PTPDC1: variants seen among roughly 807,000 people sequenced by gnomAD.
PTPDC1 encodes protein tyrosine phosphatase domain-containing protein 1.
A neutral mutation model predicts 75.3 loss-of-function variants in PTPDC1; 53 were observed. The ratio of observed to expected loss-of-function variants is 0.70; its 90% CI spans 0.56 to 0.88. The LOEUF (loss-of-function observed/expected upper bound fraction) is 0.88. Among genes scored for constraint, PTPDC1 ranks in the 40% least tolerant of loss-of-function variants. The pLI, the probability that PTPDC1 is intolerant of heterozygous loss-of-function variation, is 0.00. For synonymous variants in PTPDC1, 349 were observed against 366.2 expected (o/e 0.95, Z 0.54); for missense variants, 925 against 998.6 (o/e 0.93, Z 0.99).
chr9:94,088,976 A>C (rs1827177658), intron 4 of PTPDC1, among the ~76,000 whole-genome samples: 1 of 152,106 alleles, frequency 6.6e-6, no homozygotes, highest in Non-Finnish European at 1.5e-5. Context: ...TGAATCATTG[A>C]CTTTATTAAT....
Position 94,039,009 on chromosome 9 carries a change from T to C in PTPDC1, c.-7+7882T>C, listed in dbSNP as rs960457008. 6.6e-5 allele frequency among the ~76,000 whole-genome samples: 10 copies of C among 152,320 alleles called. No individual in the cohort carries two copies. The East Asian group carries it at 1.7e-3, about 26-fold the overall frequency. ...ATAGTAGCAAGTTAAACTTCACTCT[T>C]GAATTCTTTATAATCTAAGTCAAAC... On this transcript the variant is annotated intron_variant, in intron 1 of 9. Coordinates refer to the PTPDC1 transcript ENST00000375360.
At chr9:94,033,650 G>T (rs774586825) in intron 1 of PTPDC1, among the ~76,000 whole-genome samples, 3 of 152,190 alleles carry the variant, frequency 2.0e-5, no homozygotes, top group Non-Finnish European at 4.4e-5. Context: ...CTAGTAGAGT[G>T]CTAAGCACAA....
rs1023639275 is a variant in PTPDC1 at position 94,108,154 on chromosome 9, A to C, written c.*210A>C. 3.0e-6 allele frequency: 1 copy of C among 329,048 alleles called. No individual in the cohort carries two copies. The highest frequency in any genetic ancestry group is 5.5e-6 in the Non-Finnish European group (1 of 182,826). 20.4% of individuals were successfully genotyped at this position (329,048 alleles called of 1,614,324 possible). On this transcript the variant is annotated 3_prime_UTR_variant, in exon 9 of 9. Coordinates refer to ENST00000620992, the MANE Select transcript of PTPDC1 (RefSeq NM_001253829.2). ...CATTTTTGTTTTGAAAAATTGCCAT[A>C]AATTTGGTGCCACTTTCTTTTATTT...
chr9:94,096,229 G>A (rs1399356780), intron 5 of PTPDC1, among the ~76,000 whole-genome samples: 1 of 152,196 alleles, frequency 6.6e-6, no homozygotes. Flanking sequence ...TCCTGCCAGG[G>A]GATCTGCCAC....
upstream of PTPDC1, among the ~76,000 whole-genome samples, chr9:94,080,112 G>A (rs1263639664): frequency 6.6e-6 from 1 of 152,176 alleles, no homozygotes; most frequent in African/African-American, 2.4e-5. Context: ...ACATAGGCAG[G>A]ATGAGGAGAG....
chr9:94,100,890 C>A (rs940531292), intron 6 of PTPDC1: 1 of 152,190 alleles, frequency 6.6e-6, no homozygotes, highest in East Asian at 1.9e-4. Context: ...ATTAAAATCT[C>A]ATGCTTAAAT....
At chr9:94,100,022 C>T (rs1587909636) in intron 6 of PTPDC1, 1 of 152,296 alleles carries the variant, frequency 6.6e-6, no homozygotes, top group East Asian at 1.9e-4. Flanking sequence ...TAGTATAATG[C>T]CACCCATGCC....
At chr9:94,036,817 T>G (rs1825288080) in intron 1 of PTPDC1, among the ~76,000 whole-genome samples, 1 of 152,198 alleles carries the variant, frequency 6.6e-6, no homozygotes, top group South Asian at 2.1e-4. Context: ...AGAGTTGCAT[T>G]TTTTCATCTC....
intron 6 of PTPDC1, chr9:94,101,233 T>C (rs1018566131): frequency 2.1e-5 from 4 of 192,440 alleles, no homozygotes; most frequent in African/African-American, 9.3e-5. Flanking sequence ...ACTGTTTCTG[T>C]GGTTTCTGAA....
intron 2 of PTPDC1, among the ~76,000 whole-genome samples, chr9:94,076,656 T>G (rs2117932213): frequency 6.6e-6 from 1 of 152,290 alleles, no homozygotes; most frequent in East Asian, 1.9e-4. Flanking sequence ...AAACCTGAGT[T>G]TTTGTGTGGA....
intron 1 of PTPDC1, among the ~76,000 whole-genome samples, chr9:94,042,716 A>G (rs1825461274): frequency 6.6e-6 from 1 of 152,126 alleles, no homozygotes; most frequent in Non-Finnish European, 1.5e-5. Flanking sequence ...TTACTGCTTC[A>G]TTGTTGACTC....
chr9:94,068,026 A>G (rs574095629), intron 2 of PTPDC1, among the ~76,000 whole-genome samples: 1 of 152,214 alleles, frequency 6.6e-6, no homozygotes, highest in African/African-American at 2.4e-5. Flanking sequence ...TAATATCGAC[A>G]TGATATTTTC....
rs1827029463 is a variant in PTPDC1, at chr9:94,085,273, A to G, written c.267A>G (p.Pro89=). 6.2e-7 allele frequency: 1 copy of G among 1,614,000 alleles called. No individual in the cohort carries two copies. The highest frequency in any genetic ancestry group is 1.1e-5 in the South Asian group (1 of 91,080). ...TAGGAAATTTAGAACGTCCAACACC[A>G]AAGTACACAAAAGTAGGGGAGCGTT... is the stretch of plus-strand genomic sequence containing the variant. ...KSKGNLERPT[P]KYTKVGERLR... Residue 89 remains proline, a synonymous_variant, in exon 2 of 9, where the codon CCA becomes CCG. Transcript: ENST00000620992.
intron 1 of PTPDC1, among the ~76,000 whole-genome samples, chr9:94,032,275 T>C (rs1211981968): frequency 3.3e-5 from 5 of 152,164 alleles, no homozygotes; most frequent in Middle Eastern, 3.2e-3. Context: ...ACTCCAGAAA[T>C]GAGGATTCAG....
intron 1 of PTPDC1, among the ~76,000 whole-genome samples, chr9:94,037,192 A>G (rs1363225736): frequency 6.6e-6 from 1 of 152,200 alleles, no homozygotes; most frequent in Non-Finnish European, 1.5e-5. Context: ...AGATTCTAGG[A>G]ATTTACATTT....
At chr9:94,062,897 G>T (rs550471951) in intron 1 of PTPDC1, among the ~76,000 whole-genome samples, 21 of 152,246 alleles carry the variant, frequency 1.4e-4, no homozygotes, top group African/African-American at 5.1e-4. Context: ...AGTCTAATAT[G>T]GTCCATTTCA....
intron 8 of PTPDC1, among the ~76,000 whole-genome samples, chr9:94,106,325 A>C (rs1172913488): frequency 6.6e-6 from 1 of 152,298 alleles, no homozygotes; most frequent in East Asian, 1.9e-4. Flanking sequence ...CTCTGCCTGG[A>C]GAGCAGAAGG....
At chr9:94,034,731 C>A (rs1825208102) in intron 1 of PTPDC1, among the ~76,000 whole-genome samples, 1 of 152,106 alleles carries the variant, frequency 6.6e-6, no homozygotes, top group South Asian at 2.1e-4. Flanking sequence ...TCTTAGAAAT[C>A]ATTCTGTATA....
At position 94,101,655 on chromosome 9, in the gene PTPDC1, G is replaced by A. The variant is rs1827846048; in HGVS notation, c.2103G>A (p.Val701=). ...TATGCAGCTTGATGTGGTCTTGGGTGGAGCAACTGAAGGAGCCTGTAATCA... is the reference window on the plus strand; with the variant it reads ...TATGCAGCTTGATGTGGTCTTGGGTAGAGCAACTGAAGGAGCCTGTAATCA... ...FILCSLMWSW[V]EQLKEPVITK... Residue 701 remains valine, a synonymous_variant, in exon 7 of 9, where the codon GTG becomes GTA. Coordinates refer to ENST00000620992, the MANE Select transcript of PTPDC1 (RefSeq NM_001253829.2). 2.5e-6 allele frequency: 4 copies of A among 1,613,942 alleles called. No homozygotes were observed. The East Asian group carries it at 6.7e-5, about 27-fold the overall frequency.
Sources: allele counts gnomAD v4.1 joint callset (sites outside exome capture counted in the v4.1 genomes callset), GRCh38; gene constraint gnomAD v4.1.1; transcripts MANE v1.5; gene names NCBI Gene and HGNC (gene_info 2026-07-23, HGNC 2026-07-21).